The following CHAT variants were observed in gnomAD, a reference collection of about 807,000 sequenced individuals.
CHAT encodes the protein acetyl CoA:choline O-acetyltransferase.
A neutral mutation model predicts 76.9 loss-of-function variants in CHAT; 61 were observed. The ratio of observed to expected loss-of-function variants is 0.79; its 90% CI spans 0.65 to 0.98. The LOEUF (loss-of-function observed/expected upper bound fraction) is 0.98, where lower values mean the gene tolerates loss of function less well. Ranked by LOEUF, CHAT falls within the 50% of genes least tolerant of loss-of-function variation. The probability of loss-of-function intolerance (pLI) is 0.00; values close to 1 mark genes in which losing one functional copy is unlikely to be tolerated. For missense variants in CHAT, 946 were observed against 986.9 expected, an observed-to-expected ratio of 0.96 and a Z score of 0.56; for synonymous variants, 407 against 397.4, an observed-to-expected ratio of 1.02 and a Z score of -0.29.
upstream of CHAT, chr10:49,609,145 C>A (rs1838226751): frequency 6.6e-6 from 1 of 152,260 alleles, no homozygotes; most frequent in South Asian, 2.1e-4. Flanking sequence ...CTGGGCAGCT[C>A]AGCCTGTCAG....
chr10:49,629,337 C>T (rs928722291), intron 7 of CHAT, among the ~76,000 whole-genome samples: 1 of 152,238 alleles, frequency 6.6e-6, no homozygotes, highest in African/African-American at 2.4e-5. Flanking sequence ...AATTATTGGG[C>T]ACCTCCTGAA....
upstream of CHAT, chr10:49,611,641 T>G (rs1838300416): frequency 6.2e-7 from 1 of 1,611,928 alleles, no homozygotes; most frequent in Admixed American, 1.7e-5. Context: ...GCTCACCACC[T>G]GTAACATTCC....
chr10:49,651,565 T>C (rs1347783651), intron 10 of CHAT, among the ~76,000 whole-genome samples: 1 of 152,156 alleles, frequency 6.6e-6, no homozygotes, highest in Non-Finnish European at 1.5e-5. Context: ...ATCCCGGGCA[T>C]GTCACCTGTG....
intron 10 of CHAT, among the ~76,000 whole-genome samples, chr10:49,651,205 C>A (rs750153662): frequency 6.6e-6 from 1 of 151,922 alleles, no homozygotes; most frequent in South Asian, 2.1e-4. Context: ...GTCTAAGGAG[C>A]GAGTACTCAT....
intron 2 of CHAT, among the ~76,000 whole-genome samples, chr10:49,619,492 C>T (rs1475572991): frequency 1.3e-5 from 2 of 152,182 alleles, no homozygotes; most frequent in Non-Finnish European, 2.9e-5. Context: ...CCAATATCAC[C>T]GTATTTTCCT....
intron 7 of CHAT, among the ~76,000 whole-genome samples, chr10:49,631,522 G>A (rs563134305): frequency 5.3e-5 from 8 of 152,304 alleles, no homozygotes; most frequent in South Asian, 4.2e-4. Context: ...ATTTTGGAAC[G>A]ACACAATTTG....
intron 14 of CHAT, among the ~76,000 whole-genome samples, chr10:49,663,629 A>G (rs1275488244): frequency 6.6e-6 from 1 of 152,204 alleles, no homozygotes; most frequent in Admixed American, 6.5e-5. Flanking sequence ...TCCATTAGAG[A>G]GAGGTCGTGG....
intron 1 of CHAT, among the ~76,000 whole-genome samples, chr10:49,615,606 A>T (rs1838461397): frequency 6.6e-6 from 1 of 152,200 alleles, no homozygotes; most frequent in Admixed American, 6.5e-5. Flanking sequence ...TTGAGAGAAT[A>T]GAGGGTGGGC....
intron 14 of CHAT, among the ~76,000 whole-genome samples, chr10:49,664,107 G>A (rs181302010): frequency 6.6e-6 from 1 of 152,296 alleles, no homozygotes; most frequent in East Asian, 1.9e-4. Flanking sequence ...GGGTGTGGGA[G>A]TTTTGTTGTT....
In CHAT at chr10:49,651,992, G is replaced by T; in HGVS notation, c.1620G>T (p.Gln540His). ...SPDAFIQVAL[Q>H]LAFYRLHRRL... ...ATGCCTTCATCCAGGTGGCCCTCCA[G>T]CTGGCCTTCTACAGGTGAGTGAAGG... Residue 540 changes from glutamine to histidine, a missense_variant, in exon 11 of 15, where the codon CAG becomes CAT. Around this residue, in one of 3 missense-constraint regions of CHAT, gnomAD observed 349 missense variants for 393.9 expected, o/e 0.89. Transcript: ENST00000337653. 3 of 1,614,218 alleles carry T rather than the reference G, an allele frequency of 1.9e-6. No homozygotes were observed. Among genetic ancestry groups the T allele is most frequent in the Non-Finnish European group, 2.5e-6 (3 of 1,180,044 alleles).
At chr10:49,663,635 C>A (rs149532312) in intron 14 of CHAT, among the ~76,000 whole-genome samples, 11 of 152,138 alleles carry the variant, frequency 7.2e-5, no homozygotes, top group Non-Finnish European at 2.9e-5. Context: ...AGAGAGAGGT[C>A]GTGGTTTAGG....
rs1030636818 is a variant in CHAT, at chr10:49,619,113, G to A, written c.388-612G>A. 1.1e-4 allele frequency among the ~76,000 whole-genome samples: 17 copies of A among 152,140 alleles called. 1 individual carries two copies. The highest frequency in any genetic ancestry group is 3.9e-4 in the Admixed American group (6 of 15,284). On this transcript the variant is annotated intron_variant, in intron 2 of 14. Transcript: ENST00000337653. ...TGAGGAACCCTCTTTTAGAATTCTA[G>A]TCATTAGGGCAGCACTGAATTATGT...
intron 6 of CHAT, 100 bp from the exon 7 acceptor site, chr10:49,627,508 C>A: frequency 8.2e-7 from 1 of 1,224,806 alleles, no homozygotes; most frequent in Non-Finnish European, 1.2e-6. Flanking sequence ...GAACCTTGGG[C>A]CTGAGCATCC....
In CHAT at chr10:49,640,708, G is replaced by A. The variant is rs115233867; in HGVS notation, c.1112-5797G>A. On this transcript the variant is annotated intron_variant, in intron 7 of 14. Coordinates refer to ENST00000337653, the MANE Select transcript of CHAT (RefSeq NM_020549.5). ...TCTCCACTTGGCCTTTGCTGGCAAG[G>A]GTGCTGGGGGAGGGAGGGATGACAC... Among the ~76,000 whole-genome samples, 684 of 152,104 alleles carry A rather than the reference G, an allele frequency of 4.5e-3. 1 individual carries two copies. The highest frequency in any genetic ancestry group is 0.016 in the African/African-American group (650 of 41,510).
chr10:49,612,223 G>C, upstream of CHAT: 2 of 1,609,188 alleles, frequency 1.2e-6, no homozygotes, highest in Non-Finnish European at 1.7e-6. Flanking sequence ...AGGTCTGTAC[G>C]ATGCGGTGCG....
chr10:49,655,069 T>C, intron 11 of CHAT, 26 bp from the exon 12 acceptor site: 1 of 1,613,686 alleles, frequency 6.2e-7, no homozygotes, highest in Non-Finnish European at 8.5e-7. Flanking sequence ...AATTACCATG[T>C]GCCATTCATC....
chr10:49,627,907 C>A, intron 7 of CHAT, 122 bp downstream of exon 7: 2 of 1,176,668 alleles, frequency 1.7e-6, no homozygotes, highest in South Asian at 1.3e-5. Flanking sequence ...GCTCAGGGCC[C>A]ACAGCATGCC....
At chr10:49,649,421 G>A in intron 9 of CHAT, 87 bp from the exon 10 acceptor site, 2 of 1,592,608 alleles carry the variant, frequency 1.3e-6, no homozygotes, top group Non-Finnish European at 1.7e-6. Context: ...AACACTGACA[G>A]CTAAGATGAT....
intron 10 of CHAT, among the ~76,000 whole-genome samples, chr10:49,651,195 G>A (rs1839864756): frequency 6.6e-6 from 1 of 152,000 alleles, no homozygotes. Context: ...CAACAGGTAG[G>A]TCTAAGGAGC....
Sources: allele counts gnomAD v4.1 joint callset (sites outside exome capture counted in the v4.1 genomes callset), GRCh38; gene constraint gnomAD v4.1.1; regional missense constraint gnomAD v4.1.1; transcripts MANE v1.5; gene names NCBI Gene and HGNC (gene_info 2026-07-23, HGNC 2026-07-21).